TLL2: variants seen among roughly 807,000 people sequenced by gnomAD.
The protein encoded by TLL2 is tolloid like 2.
Under a neutral mutation model 123.0 loss-of-function variants are expected in TLL2, and 106 were observed. That is an observed-to-expected ratio of 0.86 (90% confidence interval 0.74 to 1.01). TLL2 has a LOEUF of 1.01. TLL2 is among the 50% of genes least tolerant of loss of function. The pLI is 0.00. For missense variants in TLL2, 1,332 were observed against 1,336.7 expected (o/e 1.00, Z 0.06); for synonymous variants, 494 against 516.8 (o/e 0.96, Z 0.60).
intron 2 of TLL2, among the ~76,000 whole-genome samples, chr10:96,452,448 C>T (rs543094462): frequency 1.8e-4 from 27 of 152,298 alleles, no homozygotes; most frequent in African/African-American, 5.5e-4. Context: ...GTCCAGCTCA[C>T]GGCCAGCTAG....
chr10:96,378,702 T>G (rs2134054085), intron 17 of TLL2, among the ~76,000 whole-genome samples: 1 of 152,292 alleles, frequency 6.6e-6, no homozygotes, highest in East Asian at 1.9e-4. Context: ...AGCCAGGATT[T>G]AGACCTAGGT....
intron 7 of TLL2, 58 bp from the exon 8 acceptor site, chr10:96,413,374 T>TG: frequency 6.3e-7 from 1 of 1,583,442 alleles, no homozygotes; most frequent in Non-Finnish European, 8.6e-7. Flanking sequence ...CTGTCTGTGC[T>TG]GGGATTTCTA....
intron 14 of TLL2, 85 bp downstream of exon 14, chr10:96,386,868 A>C (rs771610594): frequency 2.3e-4 from 371 of 1,579,458 alleles, no homozygotes; most frequent in Non-Finnish European, 3.1e-4. Flanking sequence ...CTACACAGCC[A>C]GCTGGTTGCC....
At chr10:96,472,045 C>A (rs982879213) in intron 2 of TLL2, among the ~76,000 whole-genome samples, 2 of 152,178 alleles carry the variant, frequency 1.3e-5, no homozygotes, top group Non-Finnish European at 2.9e-5. Flanking sequence ...TGGACCCCCT[C>A]CTCACCTAGC....
At chr10:96,438,133 TGCAAAAAATGAAA>T (rs1846815005) in intron 3 of TLL2, among the ~76,000 whole-genome samples, 2 of 152,208 alleles carry the variant, frequency 1.3e-5, no homozygotes, top group African/African-American at 2.4e-5. Flanking sequence ...TGTCTATGCC[TGCAAAAAATGAAA>T]ATAAAAAACC....
chr10:96,429,142 A>G (rs970395938), intron 4 of TLL2, among the ~76,000 whole-genome samples: 6 of 152,050 alleles, frequency 3.9e-5, no homozygotes, highest in African/African-American at 1.5e-4. Flanking sequence ...AAGACAAAGG[A>G]TGTTCCAACA....
At chr10:96,476,088 T>C (rs1305311505) in intron 2 of TLL2, among the ~76,000 whole-genome samples, 2 of 151,282 alleles carry the variant, frequency 1.3e-5, no homozygotes, top group Non-Finnish European at 2.9e-5. Flanking sequence ...ATCAGCAGAG[T>C]AAAAATAGAC....
At chr10:96,378,675 C>T (rs1033607043) in intron 17 of TLL2, among the ~76,000 whole-genome samples, 2 of 152,210 alleles carry the variant, frequency 1.3e-5, no homozygotes, top group African/African-American at 4.8e-5. Flanking sequence ...CAAGGTCACA[C>T]AGCTAGGGAA....
At chr10:96,405,383 T>C (rs745543756) in intron 9 of TLL2, 49 bp from the exon 10 acceptor site, 62 of 1,573,468 alleles carry the variant, frequency 3.9e-5, no homozygotes, top group Non-Finnish European at 5.4e-5. Context: ...GCCTGAGGAG[T>C]TTGGGAAGAT....
At chr10:96,390,705 C>T (rs944842460) in intron 13 of TLL2, among the ~76,000 whole-genome samples, 2 of 152,254 alleles carry the variant, frequency 1.3e-5, no homozygotes. Context: ...GTTGTGTTCA[C>T]AGAGCATCTG....
chr10:96,382,042 C>T (rs1316795824), intron 16 of TLL2, among the ~76,000 whole-genome samples: 2 of 152,286 alleles, frequency 1.3e-5, no homozygotes, highest in East Asian at 3.9e-4. Flanking sequence ...GCAAGATTTG[C>T]ACTTTGTTGA....
intron 1 of TLL2, among the ~76,000 whole-genome samples, chr10:96,498,265 G>A (rs1298944899): frequency 2.0e-5 from 3 of 152,168 alleles, no homozygotes; most frequent in Non-Finnish European, 2.9e-5. Flanking sequence ...ATCCACCTAC[G>A]GCCATGCCAA....
At chr10:96,487,000 A>G (rs1398689505) in intron 1 of TLL2, among the ~76,000 whole-genome samples, 4 of 152,208 alleles carry the variant, frequency 2.6e-5, no homozygotes, top group Admixed American at 6.5e-5. Context: ...TTACGAAGGC[A>G]CTTTCTGCCT....
At chr10:96,445,871 G>T (rs1846893226) in intron 3 of TLL2, among the ~76,000 whole-genome samples, 1 of 152,198 alleles carries the variant, frequency 6.6e-6, no homozygotes, top group Admixed American at 6.5e-5. Flanking sequence ...CATGGACTAG[G>T]GAAGGGAGAA....
Position 96,513,923 on chromosome 10 carries a change from G to A in TLL2, c.-238C>T, listed in dbSNP as rs1485653656. 2.0e-6 allele frequency: 1 copy of A among 497,996 alleles called. No individual in the cohort carries two copies. The highest frequency in any genetic ancestry group is 2.0e-5 in the African/African-American group (1 of 48,932). 30.8% of individuals were successfully genotyped at this position (497,996 alleles called of 1,614,324 possible). Reference sequence around the variant, plus strand: ...GCGGCCGAGGCTGCGGCGGCTGCGAGTGTGGCGGTGGCGGCGGTGGTTGGA... The same window carrying A: ...GCGGCCGAGGCTGCGGCGGCTGCGAATGTGGCGGTGGCGGCGGTGGTTGGA... On this transcript the variant is annotated 5_prime_UTR_variant, in exon 1 of 21. Transcript: ENST00000357947.
At chr10:96,421,672 A>C (rs1480611723) in intron 6 of TLL2, among the ~76,000 whole-genome samples, 1 of 151,566 alleles carries the variant, frequency 6.6e-6, no homozygotes, top group Non-Finnish European at 1.5e-5. Flanking sequence ...TCAAAAAAAA[A>C]AAAAAAGTAC....
intron 7 of TLL2, among the ~76,000 whole-genome samples, chr10:96,415,944 C>A (rs1012228526): frequency 2.7e-5 from 4 of 150,320 alleles, no homozygotes; most frequent in Non-Finnish European, 5.9e-5. Context: ...GAGTATAGAT[C>A]ATCTGCTGAT....
intron 15 of TLL2, among the ~76,000 whole-genome samples, chr10:96,385,803 T>C (rs532185939): frequency 6.6e-6 from 1 of 152,296 alleles, no homozygotes; most frequent in African/African-American, 2.4e-5. Flanking sequence ...AATATCTGCC[T>C]CTTCCACTCT....
chr10:96,429,145 T>G (rs1284037947), intron 4 of TLL2, among the ~76,000 whole-genome samples: 1 of 152,048 alleles, frequency 6.6e-6, no homozygotes, highest in African/African-American at 2.4e-5. Flanking sequence ...ACAAAGGATG[T>G]TCCAACAATT....
Sources: gnomAD v4.1 joint callset for allele counts (sites outside exome capture counted in the v4.1 genomes callset) on GRCh38, gnomAD v4.1.1 for gene constraint, MANE v1.5 for transcripts, NCBI Gene and HGNC (gene_info 2026-07-23, HGNC 2026-07-21) for gene names.